Variants in DIAPH3 observed in about 807,000 individuals in gnomAD.
DIAPH3 encodes the protein protein diaphanous homolog 3.
A neutral mutation model predicts 144.3 loss-of-function variants in DIAPH3; 117 were observed. The observed-to-expected ratio is 0.81, with a 90% CI of 0.70 to 0.95. The LOEUF (loss-of-function observed/expected upper bound fraction) is 0.95. DIAPH3 is among the 40% of genes least tolerant of loss of function. The pLI, the probability that DIAPH3 is intolerant of heterozygous loss-of-function variation, is 0.00. For synonymous variants in DIAPH3, 519 were observed against 488.9 expected (o/e 1.06, Z -0.81); for missense variants, 1,421 against 1,412.7 (o/e 1.01, Z -0.09).
intron 21 of DIAPH3, among the ~76,000 whole-genome samples, chr13:59,873,816 C>T (rs1328959686): frequency 5.9e-5 from 9 of 151,744 alleles, no homozygotes; most frequent in East Asian, 1.9e-4. Context: ...GGATTACAGG[C>T]GCCTGCCACT....
intron 20 of DIAPH3, among the ~76,000 whole-genome samples, chr13:59,910,289 A>C (rs573853260): frequency 2.4e-4 from 37 of 151,976 alleles, no homozygotes; most frequent in African/African-American, 7.2e-4. Context: ...AGACAAACTA[A>C]CCAAATAATA....
intron 17 of DIAPH3, among the ~76,000 whole-genome samples, chr13:59,945,866 C>CA (rs1198278031): frequency 6.6e-6 from 1 of 151,506 alleles, no homozygotes; most frequent in African/African-American, 2.4e-5. Flanking sequence ...ATAATTTTAC[C>CA]AAAAAAAGAT....
intron 5 of DIAPH3, among the ~76,000 whole-genome samples, chr13:60,027,480 A>G (rs1475817157): frequency 3.9e-5 from 6 of 152,190 alleles, no homozygotes; most frequent in East Asian, 1.9e-4. Context: ...CTTTTTGGCT[A>G]TAACATACTG....
intron 20 of DIAPH3, among the ~76,000 whole-genome samples, chr13:59,890,405 C>G (rs1274775038): frequency 1.3e-5 from 2 of 152,088 alleles, no homozygotes; most frequent in Non-Finnish European, 2.9e-5. Context: ...AGAACTGCAG[C>G]TTTTCTCTAC....
rs1465758982 is a variant in DIAPH3 at position 59,916,151 on chromosome 13, T to C, written c.2265+4A>G. 2 of 1,610,936 alleles carry C rather than the reference T, an allele frequency of 1.2e-6. No individual in the cohort carries two copies. The highest frequency in any genetic ancestry group is 3.3e-4 in the Middle Eastern group (2 of 6,046). ...TGAAATTTAAGCTGTGCCTGTTTGT[T>C]TACCTGAATCATAGACTCTGCCAAC... is the stretch of plus-strand genomic sequence containing the variant. On this transcript the variant is annotated splice_donor_region_variant and intron_variant, in intron 19 of 27. Transcript: ENST00000400324.
chr13:59,687,863 T>C (rs1251320624), intron 27 of DIAPH3, among the ~76,000 whole-genome samples: 3 of 152,080 alleles, frequency 2.0e-5, no homozygotes, highest in Non-Finnish European at 4.4e-5. Flanking sequence ...CTATAGATAT[T>C]AACAACTAAA....
At chr13:60,047,922 G>C (rs2056158201) in intron 4 of DIAPH3, among the ~76,000 whole-genome samples, 1 of 152,182 alleles carries the variant, frequency 6.6e-6, no homozygotes, top group African/African-American at 2.4e-5. Flanking sequence ...CAACTTACAA[G>C]CTAAGTTAGC....
intron 27 of DIAPH3, among the ~76,000 whole-genome samples, chr13:59,725,251 T>C (rs1052447118): frequency 1.3e-5 from 2 of 152,208 alleles, no homozygotes; most frequent in Admixed American, 1.3e-4. Context: ...AAGGAAGACT[T>C]AGTCTGTAGA....
intron 25 of DIAPH3, among the ~76,000 whole-genome samples, chr13:59,809,630 T>G (rs1179116120): frequency 6.6e-6 from 1 of 152,214 alleles, no homozygotes; most frequent in Non-Finnish European, 1.5e-5. Flanking sequence ...TGATCTCCAT[T>G]TTTATTCATA....
At chr13:60,086,254 C>T (rs1345915437) in intron 4 of DIAPH3, among the ~76,000 whole-genome samples, 11 of 152,192 alleles carry the variant, frequency 7.2e-5, no homozygotes, top group African/African-American at 2.4e-4. Flanking sequence ...GAACATGAAA[C>T]ACCACTGGTG....
At chr13:59,995,113 A>G (rs2052110765) in intron 9 of DIAPH3, among the ~76,000 whole-genome samples, 1 of 151,902 alleles carries the variant, frequency 6.6e-6, no homozygotes, top group Non-Finnish European at 1.5e-5. Context: ...AAAATGTAAG[A>G]AGAGCAACAG....
chr13:59,888,648 G>C (rs2045598550), intron 20 of DIAPH3, among the ~76,000 whole-genome samples: 1 of 151,868 alleles, frequency 6.6e-6, no homozygotes, highest in South Asian at 2.1e-4. Context: ...AAAATCATAA[G>C]AAAAAAGGTT....
chr13:59,705,813 T>C (rs1408232420), intron 27 of DIAPH3, among the ~76,000 whole-genome samples: 2 of 152,164 alleles, frequency 1.3e-5, no homozygotes, highest in African/African-American at 2.4e-5. Context: ...ATGAGATTAT[T>C]GAGATTTCTC....
Position 59,839,337 on chromosome 13 carries a change from A to T in DIAPH3, c.2849T>A (p.Val950Glu). 1 of 1,613,630 alleles carries T rather than the reference A, an allele frequency of 6.2e-7. No individual in the cohort carries two copies. Among genetic ancestry groups the T allele is most frequent in the South Asian group, 1.1e-5 (1 of 91,082 alleles). The change falls in exon 23 of 28, where the codon GTG becomes GAG. Residue 950 changes from valine to glutamate, a missense_variant. Physicochemically the swap from Val to Glu is moderately radical, Grantham distance 121. Transcript: ENST00000400324. Reference protein sequence around the residue: ...PPPEDLHDKFVTKMSRFVISA... With the variant: ...PPPEDLHDKFETKMSRFVISA... ...TCAAAAGGATATGGACATCTTTGTCACAAACTTGTCATGCAAGTCCTCAGG... is the reference window on the plus strand; with the variant it reads ...TCAAAAGGATATGGACATCTTTGTCTCAAACTTGTCATGCAAGTCCTCAGG...
chr13:59,916,350 A>T (rs1031210096), intron 18 of DIAPH3, 101 bp from the exon 19 acceptor site: 2 of 909,122 alleles, frequency 2.2e-6, no homozygotes, highest in Non-Finnish European at 3.5e-6. Context: ...TCATAAAACA[A>T]GAGAATTCAA....
intron 23 of DIAPH3, among the ~76,000 whole-genome samples, chr13:59,836,316 A>T (rs939654662): frequency 1.3e-5 from 2 of 151,854 alleles, no homozygotes; most frequent in African/African-American, 4.8e-5. Context: ...AAAATTTAGT[A>T]AGTACGTACA....
At chr13:59,898,568 C>G (rs895950777) in intron 20 of DIAPH3, among the ~76,000 whole-genome samples, 8 of 152,270 alleles carry the variant, frequency 5.3e-5, no homozygotes, top group Admixed American at 1.3e-4. Flanking sequence ...AATAAAGCAT[C>G]TGAGAGAAAT....
At chr13:59,863,381 A>G (rs2139944936) in intron 21 of DIAPH3, among the ~76,000 whole-genome samples, 1 of 152,318 alleles carries the variant, frequency 6.6e-6, no homozygotes, top group Non-Finnish European at 1.5e-5. Context: ...CTTCCTTTCC[A>G]AGAATTTCCA....
At chr13:59,917,843 T>C (rs953085636) in intron 18 of DIAPH3, among the ~76,000 whole-genome samples, 5 of 131,306 alleles carry the variant, frequency 3.8e-5, no homozygotes, top group African/African-American at 8.9e-5. Context: ...TGAGCCAAGA[T>C]TGCACCACTG....
Sources: gnomAD v4.1 joint callset for allele counts (sites outside exome capture counted in the v4.1 genomes callset) on GRCh38, gnomAD v4.1.1 for gene constraint, MANE v1.5 for transcripts, NCBI Gene and HGNC (gene_info 2026-07-23, HGNC 2026-07-21) for gene names.